NDUFS4: variants seen among roughly 807,000 people sequenced by gnomAD.
The protein encoded by NDUFS4 is NADH:ubiquinone oxidoreductase subunit S4.
NDUFS4 carries 28 observed loss-of-function variants against 24.3 expected under a neutral mutation model. That is an observed-to-expected ratio of 1.15 (90% CI 0.85 to 1.58). The LOEUF (loss-of-function observed/expected upper bound fraction) is 1.58. NDUFS4 is among the 40% of genes most tolerant of loss of function. The probability of loss-of-function intolerance (pLI) is 0.00; values close to 1 mark genes in which losing one functional copy is unlikely to be tolerated. For missense variants in NDUFS4, 223 were observed against 207.9 expected (o/e 1.07, Z -0.45); for synonymous variants, 93 against 69.7 (o/e 1.34, Z -1.67).
At chr5:53,570,176 C>T (rs1398892782) in intron 1 of NDUFS4, among the ~76,000 whole-genome samples, 1 of 152,120 alleles carries the variant, frequency 6.6e-6, no homozygotes, top group Non-Finnish European at 1.5e-5. Context: ...CCCAAGACTC[C>T]CTCATGTTAT....
intron 1 of NDUFS4, among the ~76,000 whole-genome samples, chr5:53,581,879 A>G (rs969240067): frequency 2.6e-5 from 4 of 152,182 alleles, no homozygotes; most frequent in African/African-American, 7.2e-5. Context: ...ACATTTCTAA[A>G]TAAAGGCCCA....
chr5:53,628,709 T>TG (rs1217670340), intron 2 of NDUFS4, among the ~76,000 whole-genome samples: 2 of 152,144 alleles, frequency 1.3e-5, no homozygotes, highest in South Asian at 2.1e-4. Flanking sequence ...TATTTCTGTT[T>TG]GATCAGTGGT....
At chr5:53,613,662 G>GAA (rs569224230) in intron 2 of NDUFS4, among the ~76,000 whole-genome samples, 1 of 121,074 alleles carries the variant, frequency 8.3e-6, no homozygotes, top group East Asian at 2.4e-4. Flanking sequence ...ACAAGCTATT[G>GAA]AAAAAAAAAA....
intron 4 of NDUFS4, among the ~76,000 whole-genome samples, chr5:53,673,999 T>C (rs1431908661): frequency 2.6e-5 from 4 of 152,326 alleles, no homozygotes; most frequent in Non-Finnish European, 4.4e-5. Flanking sequence ...CTAGTAATTA[T>C]AGTGGAGAAA....
intron 4 of NDUFS4, among the ~76,000 whole-genome samples, chr5:53,666,104 A>G (rs369976768): frequency 7.4e-4 from 112 of 152,330 alleles, no homozygotes; most frequent in African/African-American, 2.4e-3. Flanking sequence ...TTAAAATACT[A>G]TTTTGACTTA....
chr5:53,591,152 C>A (rs746180420), intron 1 of NDUFS4, among the ~76,000 whole-genome samples: 1 of 152,054 alleles, frequency 6.6e-6, no homozygotes, highest in East Asian at 1.9e-4. Flanking sequence ...TATGTATATA[C>A]CACATTTTGT....
chr5:53,590,771 C>T (rs1053971638), intron 1 of NDUFS4, among the ~76,000 whole-genome samples: 7 of 152,060 alleles, frequency 4.6e-5, no homozygotes, highest in African/African-American at 9.7e-5. Flanking sequence ...AAAATATTGT[C>T]GTGGTTTATA....
At chr5:53,619,499 A>C (rs950276338) in intron 2 of NDUFS4, among the ~76,000 whole-genome samples, 1 of 150,332 alleles carries the variant, frequency 6.7e-6, no homozygotes, top group Non-Finnish European at 1.5e-5. Context: ...AAAAAAAAAA[A>C]AAAAAAAAAC....
intron 1 of NDUFS4, among the ~76,000 whole-genome samples, chr5:53,579,933 A>G (rs1354689326): frequency 1.3e-5 from 2 of 152,188 alleles, no homozygotes; most frequent in Non-Finnish European, 2.9e-5. Context: ...AAGAAACAAG[A>G]AACAAATTGT....
intron 1 of NDUFS4, among the ~76,000 whole-genome samples, chr5:53,593,690 A>G (rs1380361089): frequency 2.6e-5 from 4 of 151,484 alleles, no homozygotes; most frequent in Admixed American, 1.3e-4. Context: ...ATTCAGAGCT[A>G]TAAGTTTTTC....
chr5:53,641,526 C>T (rs1751705428), intron 2 of NDUFS4, among the ~76,000 whole-genome samples: 1 of 152,070 alleles, frequency 6.6e-6, no homozygotes, highest in Non-Finnish European at 1.5e-5. Flanking sequence ...TGGTTGGACT[C>T]CAACATCAAT....
chr5:53,560,647 GT>G lies in NDUFS4; in HGVS notation c.-13del, dbSNP rs772470737. 1.2e-6 allele frequency: 2 copies of G among 1,614,234 alleles called. No individual in the cohort carries two copies. The highest frequency in any genetic ancestry group is 1.7e-5 in the Admixed American group (1 of 60,030). On this transcript the variant is annotated 5_prime_UTR_variant, in exon 1 of 5. Transcript: ENST00000296684. Reference sequence around the variant, plus strand: ...CGGTGATCCGTCCTTTCATCCTGGCGTTTGCCTGCAGCAAGATGGCGGCGGT... The same window carrying G: ...CGGTGATCCGTCCTTTCATCCTGGCGTTGCCTGCAGCAAGATGGCGGCGGT...
At chr5:53,642,923 G>A (rs1254992730) in intron 2 of NDUFS4, among the ~76,000 whole-genome samples, 1 of 152,020 alleles carries the variant, frequency 6.6e-6, no homozygotes, top group Non-Finnish European at 1.5e-5. Context: ...CCCTTAATCT[G>A]TGAATTATCA....
chr5:53,660,025 T>C (rs1752285718), intron 4 of NDUFS4, among the ~76,000 whole-genome samples: 1 of 152,190 alleles, frequency 6.6e-6, no homozygotes, highest in Non-Finnish European at 1.5e-5. Flanking sequence ...ATTTAAGTTT[T>C]AGGGTACATG....
At chr5:53,648,683 A>G (rs1192502997) in intron 3 of NDUFS4, among the ~76,000 whole-genome samples, 1 of 152,148 alleles carries the variant, frequency 6.6e-6, no homozygotes. Flanking sequence ...CCTGGTTGTA[A>G]TAAGTGGTGG....
intron 4 of NDUFS4, among the ~76,000 whole-genome samples, chr5:53,658,957 A>C (rs1240895428): frequency 1.3e-5 from 2 of 152,176 alleles, no homozygotes; most frequent in African/African-American, 4.8e-5. Context: ...CATATATGGC[A>C]GCCTATTCTA....
chr5:53,586,629 T>C (rs2112435676), intron 1 of NDUFS4, among the ~76,000 whole-genome samples: 1 of 152,222 alleles, frequency 6.6e-6, no homozygotes, highest in Middle Eastern at 3.4e-3. Flanking sequence ...TTCATGCCAT[T>C]CTCCTGTCTC....
At chr5:53,564,322 A>G (rs1305410396) in intron 1 of NDUFS4, among the ~76,000 whole-genome samples, 2 of 152,200 alleles carry the variant, frequency 1.3e-5, no homozygotes, top group Non-Finnish European at 2.9e-5. Context: ...CTTAAGACCA[A>G]TAGGTTCACT....
chr5:53,681,146 T>TTGAG (rs1740651572), intron 4 of NDUFS4, among the ~76,000 whole-genome samples: 2 of 152,132 alleles, frequency 1.3e-5, no homozygotes, highest in South Asian at 4.1e-4. Flanking sequence ...TTAACATTTA[T>TTGAG]TGAGTGCCTA....
Sources: allele counts gnomAD v4.1 joint callset (sites outside exome capture counted in the v4.1 genomes callset), GRCh38; gene constraint gnomAD v4.1.1; transcripts MANE v1.5; gene names NCBI Gene and HGNC (gene_info 2026-07-23, HGNC 2026-07-21).